PIN1: variants seen among roughly 807,000 people sequenced by gnomAD.
PIN1 encodes peptidylprolyl cis/trans isomerase, NIMA-interacting 1, also known as peptidyl-prolyl cis-trans isomerase NIMA-interacting 1.
PIN1 carries 8 observed loss-of-function variants against 19.9 expected under a neutral mutation model. That is an observed-to-expected ratio of 0.40 (90% CI 0.24 to 0.72). PIN1 has a LOEUF of 0.72. Among genes scored for constraint, PIN1 ranks in the 30% least tolerant of loss-of-function variants. The pLI is 0.37. For synonymous variants in PIN1, 86 were observed against 90.8 expected (o/e 0.95, Z 0.30); for missense variants, 185 against 226.5 (o/e 0.82, Z 1.18).
intron 2 of PIN1, among the ~76,000 whole-genome samples, chr19:9,839,744 C>T (rs1568359241): frequency 6.6e-6 from 1 of 152,318 alleles, no homozygotes; most frequent in South Asian, 2.1e-4. Context: ...TAAAGCTGTC[C>T]AGTTTGGCTG....
intron 2 of PIN1, among the ~76,000 whole-genome samples, chr19:9,843,598 G>A (rs1238009008): frequency 6.6e-6 from 1 of 152,242 alleles, no homozygotes; most frequent in African/African-American, 2.4e-5. Flanking sequence ...CTGGAGGCCA[G>A]AAGTCCACAA....
intron 2 of PIN1, among the ~76,000 whole-genome samples, chr19:9,840,849 A>T (rs1422175384): frequency 1.3e-5 from 2 of 152,128 alleles, no homozygotes; most frequent in Non-Finnish European, 2.9e-5. Context: ...CTTCCACCTC[A>T]GCCTCCCGAA....
In PIN1 at chr19:9,849,536, C is replaced by A; in HGVS notation, c.*337C>A. The A allele has an allele frequency of 1.6e-6, 1 of 626,300 alleles. No individual in the cohort carries two copies. Among genetic ancestry groups the A allele is most frequent in the South Asian group, 1.4e-5 (1 of 72,538 alleles). The allele number at this position is 626,300 out of a possible 1,614,324, so 38.8% of individuals were successfully genotyped here. The stretch of plus-strand genomic sequence containing the variant: ...GAGCCGCCCCGTGTCCCCCCAGGTG[C>A]TGGAGGCAGACTCGAGGGCCGAATT... On this transcript the variant is annotated 3_prime_UTR_variant, in exon 4 of 4. Coordinates refer to ENST00000247970, the MANE Select transcript of PIN1 (RefSeq NM_006221.4).
In PIN1 at chr19:9,846,611, C is replaced by G. The variant is rs1396899162; in HGVS notation, c.272-1419C>G. ...GGTTAGAGCGTGAGGCCGAGGGGCC[C>G]TGGGGACACTTGGATCAGTCCAGTG... is the stretch of plus-strand genomic sequence containing the variant. On this transcript the variant is annotated intron_variant, in intron 2 of 3. Transcript: ENST00000247970. This position sits in a 1 kb window ranked among gnomAD's most constrained non-coding sequence, Gnocchi z 5.9. 6.6e-6 allele frequency among the ~76,000 whole-genome samples: 1 copy of G among 152,136 alleles called. No individual in the cohort carries two copies. The highest frequency in any genetic ancestry group is 2.4e-5 in the African/African-American group (1 of 41,424).
Position 9,846,646 on chromosome 19 carries a change from G to A in PIN1, c.272-1384G>A, listed in dbSNP as rs1291728108. Among the ~76,000 whole-genome samples, 3 of 152,196 alleles carry A rather than the reference G, an allele frequency of 2.0e-5. No individual in the cohort carries two copies. The highest frequency in any genetic ancestry group is 4.4e-5 in the Non-Finnish European group (3 of 68,032). On this transcript the variant is annotated intron_variant, in intron 2 of 3. Transcript: ENST00000247970. This position sits in a 1 kb window ranked among gnomAD's most constrained non-coding sequence, Gnocchi z 5.9. Reference sequence around the variant, plus strand: ...TTGGATCAGTCCAGTGTGTTCAGCAGGTGCCACGGTTGGGTGTCCAGGCCT... The same window carrying A: ...TTGGATCAGTCCAGTGTGTTCAGCAAGTGCCACGGTTGGGTGTCCAGGCCT...
chr19:9,848,679 C>T, intron 3 of PIN1: 1 of 271,646 alleles, frequency 3.7e-6, no homozygotes, highest in Admixed American at 5.0e-5. Context: ...GGATGGGTTG[C>T]AGGGTGTGGT....
Position 9,846,290 on chromosome 19 carries a change from G to C in PIN1, c.272-1740G>C, listed in dbSNP as rs148428325. Among the ~76,000 whole-genome samples the C allele has an allele frequency of 6.6e-6, 1 of 152,204 alleles. No individual in the cohort carries two copies. Among genetic ancestry groups the C allele is most frequent in the African/African-American group, 2.4e-5 (1 of 41,540 alleles). On this transcript the variant is annotated intron_variant, in intron 2 of 3. Transcript: ENST00000247970. The surrounding 1 kb of genome is among the most constrained non-coding windows in gnomAD (Gnocchi z 5.9). ...ACGTGGGCCGGCAGGGCCAAGGATA[G>C]GGAGAGCAGAGCAGTAGAGGCTGCG...
chr19:9,838,680 G>A lies in PIN1; in HGVS notation c.271+32G>A. On this transcript the variant is annotated intron_variant, in intron 2 of 3. Coordinates refer to ENST00000247970, the MANE Select transcript of PIN1 (RefSeq NM_006221.4). This position sits in a 1 kb window ranked among gnomAD's most constrained non-coding sequence, Gnocchi z 5.8. ...AGGGCGAGGGCAGGGGCTTGGGAGG[G>A]GGTCTTCTCCCAGGTGAGCCTTTGT... The A allele has an allele frequency of 6.8e-7, 1 of 1,477,684 alleles. No homozygotes were observed. The highest frequency in any genetic ancestry group is 9.1e-7 in the Non-Finnish European group (1 of 1,094,088). 91.5% of individuals were successfully genotyped at this position (1,477,684 alleles called of 1,614,324 possible). A position where few individuals can be genotyped will look rare whatever the true frequency, so the allele number is the denominator to read the frequency against.
intron 2 of PIN1, among the ~76,000 whole-genome samples, chr19:9,845,241 C>T (rs368642267): frequency 4.1e-5 from 5 of 122,912 alleles, no homozygotes; most frequent in Non-Finnish European, 7.0e-5. Context: ...AGGAAGAAAG[C>T]GTTTTTGTTT....
intron 3 of PIN1, chr19:9,848,363 AC>A: frequency 1.8e-6 from 1 of 562,446 alleles, no homozygotes; most frequent in South Asian, 2.0e-5. Context: ...CATCATCTCT[AC>A]CCTGGGGGGC....
chr19:9,848,717 G>A, intron 3 of PIN1: 1 of 300,552 alleles, frequency 3.3e-6, no homozygotes. Context: ...GGGTGGGGCG[G>A]CAGCATGGGG....
chr19:9,838,337 C>T lies in PIN1; in HGVS notation c.59-99C>T. On this transcript the variant is annotated intron_variant, in intron 1 of 3. Transcript: ENST00000247970. The surrounding 1 kb of genome is among the most constrained non-coding windows in gnomAD (Gnocchi z 5.8). ...CCATGGATTTGTTGAATGAAGGCGC[C>T]CCCTGCAAGCCAGGCCCTCACCCTG... The T allele has an allele frequency of 2.2e-6, 2 of 908,220 alleles. No homozygotes were observed. Among genetic ancestry groups the T allele is most frequent in the East Asian group, 2.6e-5 (1 of 38,246 alleles). The allele number at this position is 908,220 out of a possible 1,614,324, so 56.3% of individuals were successfully genotyped here. A position where few individuals can be genotyped will look rare whatever the true frequency, so the allele number is the denominator to read the frequency against.
At position 9,846,492 on chromosome 19, in the gene PIN1, T is replaced by TA. The variant is rs2046221363; in HGVS notation, c.272-1537dup. Among the ~76,000 whole-genome samples, 2 of 152,174 alleles carry TA rather than the reference T, an allele frequency of 1.3e-5. No homozygotes were observed. The highest frequency in any genetic ancestry group is 4.1e-4 in the South Asian group (2 of 4,826). On this transcript the variant is annotated intron_variant, in intron 2 of 3. Coordinates refer to ENST00000247970, the MANE Select transcript of PIN1 (RefSeq NM_006221.4). This position sits in a 1 kb window ranked among gnomAD's most constrained non-coding sequence, Gnocchi z 5.9. The stretch of plus-strand genomic sequence containing the variant: ...AGGTCGTGGTGACATCCAGCTCAGA[T>TA]ACCAGGACACTGGTGGCTGCCATGA...
At chr19:9,836,665 T>C in intron 1 of PIN1, 1 of 376,146 alleles carries the variant, frequency 2.7e-6, no homozygotes, top group Non-Finnish European at 5.2e-6. Context: ...CAGTCTTCAC[T>C]CCTTCATACC....
At chr19:9,845,244 T>TTTCG (rs1555721916) in intron 2 of PIN1, among the ~76,000 whole-genome samples, 1 of 122,278 alleles carries the variant, frequency 8.2e-6, no homozygotes, top group Non-Finnish European at 1.9e-5. Context: ...AAGAAAGCGT[T>TTTCG]TTTGTTTGTT....
intron 2 of PIN1, among the ~76,000 whole-genome samples, chr19:9,845,249 T>TTTGC (rs2046209100): frequency 8.5e-6 from 1 of 117,562 alleles, no homozygotes; most frequent in African/African-American, 5.9e-5. Context: ...AGCGTTTTTG[T>TTTGC]TTGTTTGTTT....
At chr19:9,849,011 G>A (rs559561867) in intron 3 of PIN1, 79 bp from the exon 4 acceptor site, 14 of 831,226 alleles carry the variant, frequency 1.7e-5, no homozygotes, top group Admixed American at 9.8e-5. Flanking sequence ...CCCATCTGTC[G>A]CGGCTGCCAC....
At position 9,846,550 on chromosome 19, in the gene PIN1, C is replaced by T. The variant is rs80125839; in HGVS notation, c.272-1480C>T. ...CCAAACAGGGAGCTATGGCTGTGCT[C>T]TCACGGTGGTACCATTTCCACTGCA... On this transcript the variant is annotated intron_variant, in intron 2 of 3. Transcript: ENST00000247970. This position sits in a 1 kb window ranked among gnomAD's most constrained non-coding sequence, Gnocchi z 5.9. Among the ~76,000 whole-genome samples the T allele has an allele frequency of 4.6e-3, 702 of 152,252 alleles. 1 individual carries two copies. Among genetic ancestry groups the T allele is most frequent in the Non-Finnish European group, 8.4e-3 (569 of 67,996 alleles).
intron 2 of PIN1, among the ~76,000 whole-genome samples, chr19:9,847,253 C>T (rs1481458636): frequency 1.3e-5 from 2 of 152,192 alleles, no homozygotes; most frequent in Non-Finnish European, 2.9e-5. Flanking sequence ...TGCCGTCTTG[C>T]CCCCTCTGCT....
Sources: gnomAD v4.1 joint callset for allele counts (sites outside exome capture counted in the v4.1 genomes callset) on GRCh38, gnomAD v4.1.1 for gene constraint, Gnocchi (gnomAD v3.1) non-coding constraint, MANE v1.5 for transcripts, NCBI Gene and HGNC (gene_info 2026-07-23, HGNC 2026-07-21) for gene names.